Variants in DLG2 observed in about 807,000 individuals in gnomAD.
DLG2 encodes the protein disks large homolog 2.
In DLG2, 45 loss-of-function variants were observed where a neutral mutation model predicts 132.5. The observed-to-expected ratio is 0.34, with a 90% CI of 0.27 to 0.44. DLG2 has a LOEUF of 0.44. Ranked by LOEUF, DLG2 falls within the 20% of genes least tolerant of loss-of-function variation. The probability of loss-of-function intolerance (pLI) is 1.00; values close to 1 mark genes in which losing one functional copy is unlikely to be tolerated. For missense variants in DLG2, 1,045 were observed against 1,196.9 expected (o/e 0.87, Z 1.87); for synonymous variants, 424 against 419.6 (o/e 1.01, Z -0.13).
intron 4 of DLG2, among the ~76,000 whole-genome samples, chr11:85,283,494 A>G (rs1213656225): frequency 7.2e-6 from 1 of 137,968 alleles, no homozygotes; most frequent in Non-Finnish European, 1.7e-5. Flanking sequence ...AAAAAAAAAC[A>G]ATTATGACAA....
chr11:84,251,637 C>CTTTTTTTTTTTTTTTTTTTTTTTTTTTT (rs369651884), intron 7 of DLG2, among the ~76,000 whole-genome samples: 1 of 130,040 alleles, frequency 7.7e-6, no homozygotes, highest in Non-Finnish European at 1.6e-5. Context: ...TGTATCTTTT[C>CTTTTTTTTTTTTTTTTTTTTTTTTTTTT]TTTCTTTTTT....
intron 18 of DLG2, among the ~76,000 whole-genome samples, chr11:83,672,431 C>G (rs956845684): frequency 3.9e-5 from 6 of 152,180 alleles, no homozygotes; most frequent in African/African-American, 1.4e-4. Context: ...CCCACCTTGG[C>G]CTCCCAAAGT....
intron 6 of DLG2, among the ~76,000 whole-genome samples, chr11:84,992,673 G>C (rs1005666319): frequency 2.6e-5 from 4 of 152,038 alleles, no homozygotes; most frequent in Non-Finnish European, 4.4e-5. Context: ...TCATATGTTT[G>C]TTGGCCACAT....
chr11:84,908,423 G>A lies in DLG2; in HGVS notation c.357+203238C>T, dbSNP rs189116786. Among the ~76,000 whole-genome samples, 14 of 152,160 alleles carry A rather than the reference G, an allele frequency of 9.2e-5. No individual in the cohort carries two copies. In the East Asian group the frequency reaches 9.7e-4, roughly 11 times the overall value. ...GCTCAACAGCCACATGTGTCCAGTC[G>A]TTACTCTATCAGACAGTACGACTCA... On this transcript the variant is annotated intron_variant, in intron 6 of 27. Transcript: ENST00000376104.
intron 11 of DLG2, among the ~76,000 whole-genome samples, chr11:84,004,934 AT>A (rs2094507415): frequency 9.6e-6 from 1 of 104,108 alleles, no homozygotes; most frequent in Non-Finnish European, 2.0e-5. Flanking sequence ...GAATTCTAAA[AT>A]TTATATAGAA....
chr11:85,142,420 T>C (rs913579884), intron 5 of DLG2, among the ~76,000 whole-genome samples: 1 of 151,732 alleles, frequency 6.6e-6, no homozygotes, highest in Non-Finnish European at 1.5e-5. Flanking sequence ...TATCCTGCAA[T>C]TGTATTGAAT....
Position 83,805,080 on chromosome 11 carries a change from C to T in DLG2, c.1723-18288G>A, listed in dbSNP as rs184477185. On this transcript the variant is annotated intron_variant, in intron 17 of 27. Coordinates refer to ENST00000376104, the MANE Select transcript of DLG2 (RefSeq NM_001142699.3). ...AATGAATGCTGTGTATTTCTTACTG[C>T]GTCATAGCAGGAAGCTCAAAATACA... Among the ~76,000 whole-genome samples, 584 of 152,048 alleles carry T rather than the reference C, an allele frequency of 3.8e-3. 3 individuals are homozygous for T. Among genetic ancestry groups the T allele is most frequent in the Non-Finnish European group, 6.7e-3 (456 of 67,986 alleles).
chr11:84,039,602 C>A (rs2095997472), intron 11 of DLG2, among the ~76,000 whole-genome samples: 1 of 49,628 alleles, frequency 2.0e-5, no homozygotes, highest in African/African-American at 5.4e-5. Context: ...GCCACATTTT[C>A]TTAATCCAGT....
intron 6 of DLG2, among the ~76,000 whole-genome samples, chr11:84,643,699 C>A (rs1323667621): frequency 6.6e-6 from 1 of 152,162 alleles, no homozygotes; most frequent in East Asian, 1.9e-4. Context: ...GCCAAGACTT[C>A]TCTACAGAAG....
At chr11:84,086,820 C>T (rs1480124743) in intron 10 of DLG2, among the ~76,000 whole-genome samples, 1 of 152,094 alleles carries the variant, frequency 6.6e-6, no homozygotes, top group Non-Finnish European at 1.5e-5. Context: ...CAAAAGAAAT[C>T]TTATATCTAT....
At chr11:84,476,356 T>G (rs1475052094) in intron 7 of DLG2, among the ~76,000 whole-genome samples, 1 of 152,172 alleles carries the variant, frequency 6.6e-6, no homozygotes, top group Non-Finnish European at 1.5e-5. Flanking sequence ...ATAGACTGCA[T>G]TTTTTCAAAA....
intron 3 of DLG2, among the ~76,000 whole-genome samples, chr11:85,340,786 T>C (rs1399272664): frequency 6.6e-6 from 1 of 152,208 alleles, no homozygotes; most frequent in Non-Finnish European, 1.5e-5. Flanking sequence ...TTATCAATCT[T>C]TTCTTTCGTT....
At chr11:85,289,789 C>T (rs1383238843) in intron 3 of DLG2, among the ~76,000 whole-genome samples, 1 of 152,080 alleles carries the variant, frequency 6.6e-6, no homozygotes, top group East Asian at 1.9e-4. Flanking sequence ...TGCTCATATC[C>T]ACTTCCCTTA....
intron 9 of DLG2, among the ~76,000 whole-genome samples, chr11:84,123,077 T>C (rs1197314570): frequency 6.6e-6 from 1 of 152,190 alleles, no homozygotes; most frequent in African/African-American, 2.4e-5. Context: ...GCTAGGTACT[T>C]TCTTTATGAA....
chr11:83,722,187 A>G (rs556366878), intron 18 of DLG2, among the ~76,000 whole-genome samples: 1 of 152,246 alleles, frequency 6.6e-6, no homozygotes, highest in Non-Finnish European at 1.5e-5. Flanking sequence ...CGTTTTGACA[A>G]AAAACTGGAA....
chr11:85,479,288 C>A (rs573423838), intron 3 of DLG2, among the ~76,000 whole-genome samples: 1 of 152,232 alleles, frequency 6.6e-6, no homozygotes, highest in East Asian at 1.9e-4. Context: ...CTCATGAGGG[C>A]CCGCTTACTT....
chr11:83,734,395 CCTTCCTTCCT>C (rs2091574192), intron 18 of DLG2, among the ~76,000 whole-genome samples: 4 of 145,396 alleles, frequency 2.8e-5, no homozygotes, highest in Admixed American at 1.4e-4. Flanking sequence ...TTCCTTCCTT[CCTTCCTTCCT>C]TCCCTCCCTC....
intron 11 of DLG2, among the ~76,000 whole-genome samples, chr11:84,018,201 T>G (rs1259509611): frequency 6.6e-6 from 1 of 151,982 alleles, no homozygotes; most frequent in Non-Finnish European, 1.5e-5. Flanking sequence ...CTGCTAGGTA[T>G]TACTGTACAG....
chr11:83,988,054 G>C (rs1273399624), intron 11 of DLG2, among the ~76,000 whole-genome samples: 1 of 152,068 alleles, frequency 6.6e-6, no homozygotes, highest in Non-Finnish European at 1.5e-5. Flanking sequence ...CAGATGAATA[G>C]ATTATACAAT....
Sources: allele counts gnomAD v4.1 joint callset (sites outside exome capture counted in the v4.1 genomes callset), GRCh38; gene constraint gnomAD v4.1.1; transcripts MANE v1.5; gene names NCBI Gene and HGNC (gene_info 2026-07-23, HGNC 2026-07-21).